The following SUDS3 variants were observed in gnomAD, a reference collection of about 807,000 sequenced individuals.
The protein encoded by SUDS3 is SIN3A corepressor complex component SDS3.
SUDS3 carries 23 observed loss-of-function variants against 53.5 expected under a neutral mutation model. That is an observed-to-expected ratio of 0.43 (90% confidence interval 0.31 to 0.61). The LOEUF is 0.61. Ranked by LOEUF, SUDS3 falls within the 20% of genes least tolerant of loss-of-function variation. The pLI, the probability that SUDS3 is intolerant of heterozygous loss-of-function variation, is 0.10. For missense variants in SUDS3, 291 were observed against 405.9 expected (o/e 0.72, Z 2.43); for synonymous variants, 150 against 148.5 (o/e 1.01, Z -0.08).
intron 6 of SUDS3, among the ~76,000 whole-genome samples, chr12:118,393,819 C>T (rs1367998867): frequency 2.0e-5 from 3 of 151,912 alleles, no homozygotes; most frequent in Non-Finnish European, 4.4e-5. Flanking sequence ...TACAGGCATG[C>T]ACCACCACGC....
In SUDS3 at chr12:118,414,605, C is replaced by A; in HGVS notation, c.*172C>A. On this transcript the variant is annotated 3_prime_UTR_variant, in exon 12 of 12. Coordinates refer to ENST00000543473, the MANE Select transcript of SUDS3 (RefSeq NM_022491.3). ...GGGCACTTTTGTGGCCGGATGCTTCCAACTTTGTCAGTCTTTTCTGCCTCA... is the reference window on the plus strand; with the variant it reads ...GGGCACTTTTGTGGCCGGATGCTTCAAACTTTGTCAGTCTTTTCTGCCTCA... 2.0e-6 allele frequency: 1 copy of A among 498,486 alleles called. No homozygotes were observed. Among genetic ancestry groups the A allele is most frequent in the Non-Finnish European group, 3.5e-6 (1 of 286,662 alleles). The allele number at this position is 498,486 out of a possible 1,614,324, so 30.9% of individuals were successfully genotyped here.
chr12:118,400,209 G>A (rs2046251887), intron 6 of SUDS3, among the ~76,000 whole-genome samples: 1 of 152,180 alleles, frequency 6.6e-6, no homozygotes. Context: ...TGGCACTGAG[G>A]CCAGTGGCCT....
chr12:118,382,587 G>A (rs2046076264), intron 2 of SUDS3, among the ~76,000 whole-genome samples: 1 of 151,728 alleles, frequency 6.6e-6, no homozygotes, highest in African/African-American at 2.4e-5. Flanking sequence ...GGCTGGTCTT[G>A]AATGCCTGAG....
At chr12:118,380,058 G>T in intron 1 of SUDS3, 104 bp from the exon 2 acceptor site, 2 of 902,760 alleles carry the variant, frequency 2.2e-6, no homozygotes, top group South Asian at 1.5e-5. Flanking sequence ...GCCTTGAATA[G>T]AAATTGATTT....
rs777705429 is a variant in SUDS3 at position 118,391,248 on chromosome 12, T to A, written c.483T>A (p.Ile161=). ...AGCTAGAAGAAAAGAAGAAAATGAT[T>A]GAAAATGAAAAGCTGACAATGGAAC... ...IAELEEKKKM[I]ENEKLTMELT... Residue 161 remains isoleucine (I), a synonymous_variant, in exon 6 of 12, where the codon ATT becomes ATA. Transcript: ENST00000543473. The A allele has an allele frequency of 6.2e-7, 1 of 1,612,556 alleles. No individual in the cohort carries two copies. Among genetic ancestry groups the A allele is most frequent in the Admixed American group, 1.7e-5 (1 of 59,706 alleles).
At position 118,415,858 on chromosome 12, in the gene SUDS3, T is replaced by C. The variant is rs2046395954; in HGVS notation, c.*1425T>C. On this transcript the variant is annotated 3_prime_UTR_variant, in exon 12 of 12. Transcript: ENST00000543473. ...GCAGAGACCAAACCTTACTGACTTG[T>C]ACAGACTTGTACAAGTAAAGACTTA... 1 of 152,062 alleles carries C rather than the reference T, an allele frequency of 6.6e-6. No individual in the cohort carries two copies. The highest frequency in any genetic ancestry group is 2.4e-5 in the African/African-American group (1 of 41,392). The allele number at this position is 152,062 out of a possible 1,614,324, so 9.4% of individuals were successfully genotyped here.
chr12:118,410,585 TTTA>T (rs1344038650), intron 10 of SUDS3, among the ~76,000 whole-genome samples: 2,923 of 144,138 alleles, frequency 0.02, 91 homozygotes, highest in African/African-American at 0.07. Flanking sequence ...ATTTATTTTA[TTTA>T]TTTATTTATT....
intron 2 of SUDS3, among the ~76,000 whole-genome samples, chr12:118,381,688 C>G (rs78123962): frequency 0.058 from 8,774 of 152,282 alleles, 361 homozygotes; most frequent in East Asian, 0.19. Context: ...TGCCTGGCCA[C>G]ATGCTGACTC....
chr12:118,382,490 C>T (rs1193147901), intron 2 of SUDS3, among the ~76,000 whole-genome samples: 1 of 150,684 alleles, frequency 6.6e-6, no homozygotes, highest in Non-Finnish European at 1.5e-5. Flanking sequence ...CTCAGCCTTC[C>T]AAGTAGCTGG....
chr12:118,401,650 C>G, intron 7 of SUDS3, 109 bp from the exon 8 acceptor site: 1 of 935,594 alleles, frequency 1.1e-6, no homozygotes, highest in Non-Finnish European at 1.7e-6. Context: ...GTAGAAACAT[C>G]ATTTAACAAA....
intron 1 of SUDS3, among the ~76,000 whole-genome samples, chr12:118,379,808 G>C (rs1031659008): frequency 1.3e-5 from 2 of 152,206 alleles, no homozygotes; most frequent in Non-Finnish European, 2.9e-5. Context: ...CTGCATTTCA[G>C]GTAAAGGCAA....
At chr12:118,411,022 T>C in intron 10 of SUDS3, 51 bp from the exon 11 acceptor site, 1 of 1,482,658 alleles carries the variant, frequency 6.7e-7, no homozygotes. Context: ...TGGTTTTTAC[T>C]TCCTGTCTCT....
At chr12:118,381,682 T>C (rs2046063663) in intron 2 of SUDS3, among the ~76,000 whole-genome samples, 1 of 152,154 alleles carries the variant, frequency 6.6e-6, no homozygotes, top group African/African-American at 2.4e-5. Flanking sequence ...CGACCCTGCC[T>C]GGCCACATGC....
intron 3 of SUDS3, among the ~76,000 whole-genome samples, chr12:118,385,171 C>T (rs955667006): frequency 2.0e-5 from 3 of 151,834 alleles, no homozygotes; most frequent in African/African-American, 4.8e-5. Context: ...GGCAGTGGCG[C>T]GATCTCAGCT....
chr12:118,387,542 A>G (rs555501501), intron 4 of SUDS3, among the ~76,000 whole-genome samples: 65 of 151,394 alleles, frequency 4.3e-4, no homozygotes, highest in African/African-American at 1.5e-3. Context: ...ACTCTCAATC[A>G]TGTCCTCATG....
Position 118,414,538 on chromosome 12 carries a change from T to C in SUDS3, c.*105T>C. On this transcript the variant is annotated 3_prime_UTR_variant, in exon 12 of 12. Transcript: ENST00000543473. The stretch of plus-strand genomic sequence containing the variant: ...AAAATGTTAACTTACTGGGAATAGC[T>C]ACTCAGCCTTGGAAATGGAGAGCAC... 1.1e-6 allele frequency: 1 copy of C among 945,942 alleles called. No homozygotes were observed. Among genetic ancestry groups the C allele is most frequent in the Non-Finnish European group, 1.5e-6 (1 of 653,732 alleles). 58.6% of individuals were successfully genotyped at this position (945,942 alleles called of 1,614,324 possible).
chr12:118,383,953 A>C, intron 2 of SUDS3, 59 bp from the exon 3 acceptor site: 1 of 1,484,956 alleles, frequency 6.7e-7, no homozygotes, highest in Non-Finnish European at 9.3e-7. Flanking sequence ...TGAGTAGGTT[A>C]TTTTGGAATT....
Position 118,414,744 on chromosome 12 carries a change from C to T in SUDS3, c.*311C>T, listed in dbSNP as rs2046385772. 2 of 225,228 alleles carry T rather than the reference C, an allele frequency of 8.9e-6. No individual in the cohort carries two copies. Among genetic ancestry groups the T allele is most frequent in the Non-Finnish European group, 1.7e-5 (2 of 115,912 alleles). The allele number at this position is 225,228 out of a possible 1,614,324, so 14.0% of individuals were successfully genotyped here. ...TTTGCTTATACTTGTTTTTGAAAAC[C>T]TCCTCTGAGTTTGAAGGGACAGCTA... On this transcript the variant is annotated 3_prime_UTR_variant, in exon 12 of 12. Transcript: ENST00000543473.
intron 10 of SUDS3, among the ~76,000 whole-genome samples, chr12:118,407,808 TC>T (rs1250899486): frequency 6.6e-6 from 1 of 150,550 alleles, no homozygotes; most frequent in Non-Finnish European, 1.5e-5. Flanking sequence ...AGACTCCGCC[TC>T]CCAGGTTCAA....
Sources: gnomAD v4.1 joint callset for allele counts (sites outside exome capture counted in the v4.1 genomes callset) on GRCh38, gnomAD v4.1.1 for gene constraint, MANE v1.5 for transcripts, NCBI Gene and HGNC (gene_info 2026-07-23, HGNC 2026-07-21) for gene names.